CIDEA: variants seen among roughly 807,000 people sequenced by gnomAD.
The protein encoded by CIDEA is lipid transferase CIDEA.
CIDEA carries 10 observed loss-of-function variants against 18.2 expected under a neutral mutation model. The ratio of observed to expected loss-of-function variants is 0.55; its 90% CI spans 0.34 to 0.93. The LOEUF (loss-of-function observed/expected upper bound fraction) is 0.93, where lower values mean the gene tolerates loss of function less well. Among genes scored for constraint, CIDEA ranks in the 40% least tolerant of loss-of-function variants. The pLI is 0.02. For missense variants in CIDEA, 309 were observed against 293.1 expected (o/e 1.05, Z -0.40); for synonymous variants, 128 against 124.8 (o/e 1.03, Z -0.17).
intron 1 of CIDEA, 75 bp downstream of exon 1, chr18:12,254,496 G>A (rs1367894036): frequency 1.9e-6 from 3 of 1,557,104 alleles, no homozygotes; most frequent in Non-Finnish European, 2.6e-6. Flanking sequence ...ATTCCCCTGT[G>A]CGCCTCTAGT....
rs760921885 is a variant in CIDEA, at chr18:12,262,927, G to A, written c.141G>A (p.Arg47=). The change falls in exon 2 of 5, where the codon CGG becomes CGA. Residue 47 remains arginine, a synonymous_variant. Transcript: ENST00000320477. ...FRVSNHDRSS[R]RGVMASSLQE... ...TCTCCAACCATGACAGGAGCAGCCG[G>A]CGTGGGGTGATGGCAAGCAGCCTGC... 1.9e-6 allele frequency: 3 copies of A among 1,614,128 alleles called. No individual in the cohort carries two copies. The highest frequency in any genetic ancestry group is 1.3e-5 in the African/African-American group (1 of 75,042).
chr18:12,268,127 C>T (rs1055792543), intron 3 of CIDEA, among the ~76,000 whole-genome samples: 19 of 150,002 alleles, frequency 1.3e-4, no homozygotes, highest in Non-Finnish European at 1.9e-4. Context: ...TGCAGTGGCG[C>T]GATCTCGGCT....
rs1352186526 is a variant in CIDEA, at chr18:12,264,396, G to T, written c.273G>T (p.Gln91His). Residue 91 changes from glutamine (Q) to histidine (H), a missense_variant, in exon 3 of 5, where the codon CAG becomes CAT. Coordinates refer to ENST00000320477, the MANE Select transcript of CIDEA (RefSeq NM_001279.4). ...TGGTGGACACAGAAGAGTTCTTTCA[G>T]ACCTTGGGAGACAACACGCATTTCA... ...GTVVDTEEFFQTLGDNTHFMI... is the reference protein window; with the variant it reads ...GTVVDTEEFFHTLGDNTHFMI... 1.2e-6 allele frequency: 2 copies of T among 1,614,076 alleles called. No individual in the cohort carries two copies. Among genetic ancestry groups the T allele is most frequent in the Non-Finnish European group, 1.7e-6 (2 of 1,179,968 alleles).
intron 1 of CIDEA, among the ~76,000 whole-genome samples, chr18:12,262,176 A>G (rs938151533): frequency 2.6e-5 from 4 of 151,320 alleles, no homozygotes; most frequent in South Asian, 2.1e-4. Flanking sequence ...CTAAAAGGAG[A>G]AAAAAAAAGT....
rs9960947 is a variant in CIDEA at position 12,258,190 on chromosome 18, G to A, written c.38+3769G>A. On this transcript the variant is annotated intron_variant, in intron 1 of 4. Coordinates refer to ENST00000320477, the MANE Select transcript of CIDEA (RefSeq NM_001279.4). ...GAACAATAGGTGTTTTTTCACTGAC[G>A]ATGGCAATCTTGAGGGCAGGTGAAG... Among the ~76,000 whole-genome samples the A allele has an allele frequency of 1.4e-3, 210 of 152,256 alleles. 1 individual carries two copies. The highest frequency in any genetic ancestry group is 4.9e-3 in the African/African-American group (202 of 41,550).
At position 12,259,603 on chromosome 18, in the gene CIDEA, T is replaced by C. The variant is rs545464580; in HGVS notation, c.39-3222T>C. 5.8e-4 allele frequency among the ~76,000 whole-genome samples: 88 copies of C among 152,366 alleles called. 1 individual carries two copies. The Middle Eastern group carries it at 0.014, about 24-fold the overall frequency. On this transcript the variant is annotated intron_variant, in intron 1 of 4. Transcript: ENST00000320477. ...ATTAATGGGCATGGTGGTGCACACC[T>C]GTAATCCCAGCACTTAGGGAGGCCA...
intron 1 of CIDEA, among the ~76,000 whole-genome samples, chr18:12,255,477 G>A (rs997339762): frequency 2.6e-5 from 4 of 152,130 alleles, no homozygotes; most frequent in African/African-American, 9.7e-5. Context: ...AGTACAAGTC[G>A]GGGCGGTGGC....
intron 3 of CIDEA, among the ~76,000 whole-genome samples, chr18:12,266,062 A>C (rs995596149): frequency 6.6e-6 from 1 of 151,962 alleles, no homozygotes; most frequent in Non-Finnish European, 1.5e-5. Context: ...AATCTCCACC[A>C]AAAAAAATTT....
At chr18:12,264,903 C>G (rs893682564) in intron 3 of CIDEA, among the ~76,000 whole-genome samples, 3 of 152,240 alleles carry the variant, frequency 2.0e-5, no homozygotes, top group African/African-American at 7.2e-5. Flanking sequence ...ACAACTGGAT[C>G]CACTGCCCTC....
At chr18:12,265,133 A>G (rs1435147151) in intron 3 of CIDEA, among the ~76,000 whole-genome samples, 1 of 152,238 alleles carries the variant, frequency 6.6e-6, no homozygotes, top group Non-Finnish European at 1.5e-5. Context: ...GTGTGTGTGC[A>G]TGTGTGAATA....
At chr18:12,254,540 C>A in intron 1 of CIDEA, 119 bp downstream of exon 1, 1 of 1,534,186 alleles carries the variant, frequency 6.5e-7, no homozygotes, top group Non-Finnish European at 8.7e-7. Flanking sequence ...CCCTGCTCCC[C>A]GCATTCTCTT....
rs143259785 is a variant in CIDEA, at chr18:12,277,202, G to C, written c.592G>C (p.Val198Leu). ...LIYLGTYMLR[V>L]LDDKEERPSL... ...CTATCTGGGCACATACATGCTCCGG[G>C]TGCTGGATGACAAGGAAGAGCGGCC... Residue 198 changes from valine to leucine, a missense_variant, in exon 5 of 5, where the codon GTG becomes CTG. Transcript: ENST00000320477. 218 of 1,614,078 alleles carry C rather than the reference G, an allele frequency of 1.4e-4. 2 individuals are homozygous for C. The highest frequency in any genetic ancestry group is 6.7e-5 in the Admixed American group (4 of 60,008).
At chr18:12,276,749 G>A (rs190768801) in intron 4 of CIDEA, among the ~76,000 whole-genome samples, 2 of 152,298 alleles carry the variant, frequency 1.3e-5, no homozygotes, top group Admixed American at 6.5e-5. Context: ...CCCAGCAGCC[G>A]AAGCCCAGGA....
At chr18:12,272,709 T>G (rs1912586343) in intron 3 of CIDEA, among the ~76,000 whole-genome samples, 1 of 151,966 alleles carries the variant, frequency 6.6e-6, no homozygotes, top group South Asian at 2.1e-4. Context: ...GATGATGAAG[T>G]CAACCTCACC....
At chr18:12,260,045 G>A (rs75117474) in intron 1 of CIDEA, among the ~76,000 whole-genome samples, 15,255 of 152,178 alleles carry the variant, frequency 0.1, 936 homozygotes, top group South Asian at 0.17. Context: ...TGTTGGTGAG[G>A]CACCTGGAGA....
intron 3 of CIDEA, among the ~76,000 whole-genome samples, chr18:12,265,379 C>A (rs73413094): frequency 0.034 from 5,139 of 152,338 alleles, 285 homozygotes; most frequent in African/African-American, 0.12. Flanking sequence ...GTTCCCCAGG[C>A]ATCTCCTCTG....
Position 12,258,970 on chromosome 18 carries a change from G to GT in CIDEA, c.39-3854dup, listed in dbSNP as rs544572366. Among the ~76,000 whole-genome samples, 14 of 152,366 alleles carry GT rather than the reference G, an allele frequency of 9.2e-5. No homozygotes were observed. In the South Asian group the frequency reaches 2.9e-3, roughly 32 times the overall value. On this transcript the variant is annotated intron_variant, in intron 1 of 4. Coordinates refer to ENST00000320477, the MANE Select transcript of CIDEA (RefSeq NM_001279.4). ...GCCCTCTCCCCCCGGGTCACCAGGA[G>GT]TGAGAGTGTGCCCGAATTCCCCGTG... is the stretch of plus-strand genomic sequence containing the variant.
At chr18:12,263,739 G>A (rs1912263567) in intron 2 of CIDEA, 1 of 152,248 alleles carries the variant, frequency 6.6e-6, no homozygotes, top group Non-Finnish European at 1.5e-5. Flanking sequence ...GGCACCCATG[G>A]AAACAAGAAA....
intron 1 of CIDEA, among the ~76,000 whole-genome samples, chr18:12,257,856 T>C (rs1912081737): frequency 6.6e-6 from 1 of 152,176 alleles, no homozygotes; most frequent in African/African-American, 2.4e-5. Context: ...ACGGTGCTGA[T>C]GGCCAGTGAT....
Sources: gnomAD v4.1 joint callset for allele counts (sites outside exome capture counted in the v4.1 genomes callset) on GRCh38, gnomAD v4.1.1 for gene constraint, MANE v1.5 for transcripts, NCBI Gene and HGNC (gene_info 2026-07-23, HGNC 2026-07-21) for gene names.